Variants in LOXHD1 observed in about 807,000 individuals in gnomAD.
LOXHD1 encodes the protein lipoxygenase homology domain-containing protein 1.
A neutral mutation model predicts 248.2 loss-of-function variants in LOXHD1; 205 were observed. That is an observed-to-expected ratio of 0.83 (90% CI 0.74 to 0.93). LOXHD1 has a LOEUF of 0.93. LOXHD1 is among the 40% of genes least tolerant of loss of function. The pLI, the probability that LOXHD1 is intolerant of heterozygous loss-of-function variation, is 0.00. For missense variants in LOXHD1, 2,930 were observed against 2,971.6 expected, an observed-to-expected ratio of 0.99 and a Z score of 0.33; for synonymous variants, 1,113 against 1,162.8, an observed-to-expected ratio of 0.96 and a Z score of 0.87.
At position 46,642,048 on chromosome 18, in the gene LOXHD1, A is replaced by C. The variant is rs1341927183; in HGVS notation, c.246-12T>G. ...AGGCAGACTTGCTCCTGCAATGAAC[A>C]CGTGCAGTTAGTGCAGATCAGCTGT... On this transcript the variant is annotated splice_polypyrimidine_tract_variant and intron_variant, in intron 2 of 40. Transcript: ENST00000642948. The C allele has an allele frequency of 6.4e-7, 1 of 1,551,650 alleles. No homozygotes were observed. Among genetic ancestry groups the C allele is most frequent in the African/African-American group, 1.4e-5 (1 of 73,046 alleles).
At chr18:46,552,380 A>G (rs2037143187) in intron 21 of LOXHD1, among the ~76,000 whole-genome samples, 1 of 152,180 alleles carries the variant, frequency 6.6e-6, no homozygotes, top group East Asian at 1.9e-4. Context: ...AATATCTTCC[A>G]TTTAGAAACA....
In LOXHD1 at chr18:46,507,932, C is replaced by A. The variant is rs1437554930; in HGVS notation, c.5518-220G>T. Among the ~76,000 whole-genome samples, 3 of 152,182 alleles carry A rather than the reference C, an allele frequency of 2.0e-5. No homozygotes were observed. In the East Asian group the frequency reaches 5.8e-4, roughly 29 times the overall value. ...GGATTTGAAGTCCTTACGAGGACTG[C>A]CCTAGCTTGGGATTTGGGAATGGGC... On this transcript the variant is annotated intron_variant, in intron 35 of 40. Transcript: ENST00000642948.
At chr18:46,601,669 A>C in intron 7 of LOXHD1, 1 of 660,186 alleles carries the variant, frequency 1.5e-6, no homozygotes, top group Non-Finnish European at 2.6e-6. Context: ...TGTGTGTCCA[A>C]TGCATCTGAG....
At chr18:46,524,652 A>G in intron 30 of LOXHD1, 51 bp from the exon 31 acceptor site, 1 of 1,551,202 alleles carries the variant, frequency 6.4e-7, no homozygotes, top group Non-Finnish European at 8.7e-7. Context: ...CTCCACCTCG[A>G]GGGACCTCCC....
At chr18:46,523,242 T>C (rs2035666635) in intron 31 of LOXHD1, among the ~76,000 whole-genome samples, 1 of 152,334 alleles carries the variant, frequency 6.6e-6, no homozygotes, top group South Asian at 2.1e-4. Flanking sequence ...CCACCACGCC[T>C]GGCCAGGAAA....
At chr18:46,622,150 G>T (rs753216062) in intron 4 of LOXHD1, among the ~76,000 whole-genome samples, 1 of 152,200 alleles carries the variant, frequency 6.6e-6, no homozygotes, top group Non-Finnish European at 1.5e-5. Flanking sequence ...CAGACCCTAT[G>T]CCAGGGTGGG....
intron 15 of LOXHD1, among the ~76,000 whole-genome samples, chr18:46,571,483 T>C (rs934402785): frequency 1.3e-5 from 2 of 151,982 alleles, no homozygotes; most frequent in African/African-American, 4.8e-5. Context: ...AATAAACAAA[T>C]AAACAAAAAT....
At chr18:46,507,793 C>T (rs1422882029) in intron 35 of LOXHD1, 81 bp from the exon 36 acceptor site, 9 of 1,419,016 alleles carry the variant, frequency 6.3e-6, no homozygotes, top group Non-Finnish European at 8.5e-6. Context: ...CAGCCCCTCC[C>T]CGAATCCCAA....
chr18:46,541,719 G>T (rs1364644107), intron 25 of LOXHD1, 57 bp downstream of exon 25: 1 of 1,530,540 alleles, frequency 6.5e-7, no homozygotes, highest in Non-Finnish European at 8.9e-7. Context: ...GGCTGAGTTG[G>T]GGTAGCTGGT....
At chr18:46,633,672 TA>T (rs2038856018) in intron 4 of LOXHD1, among the ~76,000 whole-genome samples, 1 of 151,978 alleles carries the variant, frequency 6.6e-6, no homozygotes, top group Admixed American at 6.6e-5. Flanking sequence ...ATCAACAGAG[TA>T]AAAAGACAAC....
chr18:46,485,723 C>A (rs961026740), intron 38 of LOXHD1, among the ~76,000 whole-genome samples: 4 of 152,132 alleles, frequency 2.6e-5, no homozygotes, highest in Non-Finnish European at 4.4e-5. Context: ...CAATCTCTAG[C>A]CCCAGACACA....
intron 4 of LOXHD1, among the ~76,000 whole-genome samples, chr18:46,628,856 A>C (rs2038781662): frequency 6.6e-6 from 1 of 152,214 alleles, no homozygotes; most frequent in African/African-American, 2.4e-5. Flanking sequence ...CCCACTTTAC[A>C]AATGAGAAAA....
intron 20 of LOXHD1, among the ~76,000 whole-genome samples, chr18:46,558,258 C>A (rs893336768): frequency 1.3e-5 from 2 of 152,148 alleles, no homozygotes; most frequent in Non-Finnish European, 2.9e-5. Flanking sequence ...TTTTCTAAAT[C>A]ATTTGAAAGT....
chr18:46,597,746 A>T (rs901085517), intron 8 of LOXHD1, among the ~76,000 whole-genome samples: 2 of 152,022 alleles, frequency 1.3e-5, no homozygotes, highest in East Asian at 1.9e-4. Context: ...CTACTCATGA[A>T]CATAGAAAAA....
chr18:46,514,987 C>CAT (rs2144037172), intron 34 of LOXHD1, among the ~76,000 whole-genome samples: 1 of 152,282 alleles, frequency 6.6e-6, no homozygotes, highest in South Asian at 2.1e-4. Context: ...TTCTGAATGC[C>CAT]ATATTAATTC....
intron 21 of LOXHD1, among the ~76,000 whole-genome samples, chr18:46,552,053 G>A (rs1391193848): frequency 6.6e-6 from 1 of 152,104 alleles, no homozygotes; most frequent in Non-Finnish European, 1.5e-5. Flanking sequence ...GCTGGGAGGA[G>A]GTGGAAAAGG....
At chr18:46,531,577 C>A in intron 28 of LOXHD1, among the ~76,000 whole-genome samples, 1 of 139,046 alleles carries the variant, frequency 7.2e-6, no homozygotes, top group South Asian at 2.3e-4. Context: ...CCTCACTCCC[C>A]CTTTCTGCTT....
At chr18:46,515,984 C>G (rs1255518980) in intron 34 of LOXHD1, among the ~76,000 whole-genome samples, 1 of 152,210 alleles carries the variant, frequency 6.6e-6, no homozygotes, top group East Asian at 1.9e-4. Flanking sequence ...CTACCTCCAG[C>G]TTTACCACAC....
intron 28 of LOXHD1, among the ~76,000 whole-genome samples, chr18:46,530,830 A>T (rs893698937): frequency 6.6e-6 from 1 of 151,848 alleles, no homozygotes; most frequent in Admixed American, 6.6e-5. Context: ...GGGTAGCTTT[A>T]TGGTTTCCTA....
Sources: gnomAD v4.1 joint callset for allele counts (sites outside exome capture counted in the v4.1 genomes callset) on GRCh38, gnomAD v4.1.1 for gene constraint, MANE v1.5 for transcripts, NCBI Gene and HGNC (gene_info 2026-07-23, HGNC 2026-07-21) for gene names.